Variants in PPP6R2 observed in about 807,000 individuals in gnomAD.
PPP6R2 encodes the protein serine/threonine-protein phosphatase 6 regulatory subunit 2.
PPP6R2 carries 62 observed loss-of-function variants against 100.2 expected under a neutral mutation model. That is an observed-to-expected ratio of 0.62 (90% CI 0.50 to 0.76). The LOEUF (loss-of-function observed/expected upper bound fraction) is 0.76. PPP6R2 is among the 30% of genes least tolerant of loss of function. The probability of loss-of-function intolerance (pLI) is 0.00; values close to 1 mark genes in which losing one functional copy is unlikely to be tolerated. For missense variants in PPP6R2, 1,142 were observed against 1,276.3 expected (o/e 0.89, Z 1.60); for synonymous variants, 525 against 514.7 (o/e 1.02, Z -0.27).
At chr22:50,389,398 GA>G (rs796523223) in intron 2 of PPP6R2, among the ~76,000 whole-genome samples, 20 of 152,250 alleles carry the variant, frequency 1.3e-4, no homozygotes, top group African/African-American at 3.9e-4. Context: ...TAGTTGTGCA[GA>G]TAGGAGAAAA....
At chr22:50,416,689 G>A (rs1428595142) in intron 6 of PPP6R2, among the ~76,000 whole-genome samples, 1 of 151,762 alleles carries the variant, frequency 6.6e-6, no homozygotes, top group South Asian at 2.1e-4. Flanking sequence ...TAGGACAGGC[G>A]CGGTGGCTCA....
chr22:50,389,561 T>G (rs1479028158), intron 2 of PPP6R2, among the ~76,000 whole-genome samples: 11 of 151,736 alleles, frequency 7.2e-5, no homozygotes, highest in Admixed American at 5.3e-4. Context: ...TTTTTGTTTT[T>G]TTTTTTTTTT....
At chr22:50,439,464 G>A (rs1343949169) in intron 19 of PPP6R2, among the ~76,000 whole-genome samples, 10 of 152,270 alleles carry the variant, frequency 6.6e-5, no homozygotes, top group East Asian at 1.9e-4. Flanking sequence ...GGGCCCTCAG[G>A]CACCTGACTG....
At chr22:50,398,622 TCTC>T (rs1185104833) in intron 3 of PPP6R2, among the ~76,000 whole-genome samples, 1 of 151,628 alleles carries the variant, frequency 6.6e-6, no homozygotes, top group Non-Finnish European at 1.5e-5. Flanking sequence ...TTCAAGCAGT[TCTC>T]CTACCTCGGT....
Position 50,419,433 on chromosome 22 carries a change from A to C in PPP6R2, c.816A>C (p.Leu272Phe), listed in dbSNP as rs1316306400. 1.9e-6 allele frequency: 3 copies of C among 1,614,078 alleles called. No individual in the cohort carries two copies. The highest frequency in any genetic ancestry group is 2.5e-6 in the Non-Finnish European group (3 of 1,180,004). Residue 272 changes from leucine to phenylalanine, a missense_variant, in exon 8 of 24, where the codon TTA becomes TTC. Coordinates refer to ENST00000612753, the MANE Select transcript of PPP6R2 (RefSeq NM_001242898.2). ...ESCLVSGTQV[L>F]LTLLETRRVG... Reference sequence around the variant, plus strand: ...GCCTCGTCAGTGGGACTCAGGTGTTACTCACCTTGCTGGAAACCAGGCGGG... The same window carrying C: ...GCCTCGTCAGTGGGACTCAGGTGTTCCTCACCTTGCTGGAAACCAGGCGGG...
At chr22:50,436,594 CT>C in intron 14 of PPP6R2, 142 bp downstream of exon 14, 6 of 797,072 alleles carry the variant, frequency 7.5e-6, no homozygotes, top group Non-Finnish European at 1.2e-5. Context: ...TGCGGTGCCC[CT>C]GCATAGTGTG....
At chr22:50,435,707 T>C (rs1208433175) in intron 13 of PPP6R2, among the ~76,000 whole-genome samples, 1 of 152,132 alleles carries the variant, frequency 6.6e-6, no homozygotes, top group Non-Finnish European at 1.5e-5. Context: ...CATTAGCCCC[T>C]GGCGAGGTCA....
the PPP6R2 span, among the ~76,000 whole-genome samples, chr22:50,335,326 G>A: frequency 6.7e-6 from 1 of 149,658 alleles, no homozygotes; most frequent in South Asian, 2.1e-4. Context: ...GCCTCCCAAA[G>A]TGCTGGGATT....
chr22:50,402,709 C>G (rs1039572325), intron 3 of PPP6R2, among the ~76,000 whole-genome samples: 9 of 152,316 alleles, frequency 5.9e-5, no homozygotes, highest in African/African-American at 1.9e-4. Context: ...GGAATATGAA[C>G]AAGCCTGTGT....
rs547396966 is a variant in PPP6R2, at chr22:50,384,035, C to CAA, written c.-16-9840_-16-9839dup. Among the ~76,000 whole-genome samples, 113 of 75,896 alleles carry CAA rather than the reference C, an allele frequency of 1.5e-3. 1 individual carries two copies. Among genetic ancestry groups the CAA allele is most frequent in the Admixed American group, 2.2e-3 (15 of 6,944 alleles). The allele number at this position is 75,896 out of a possible 152,430, so 49.8% of individuals were successfully genotyped here. ...TGGGCGGCTGAGCGAGACTCCATCT[C>CAA]AAAAAAAAAAAAAAAAAAAGAAGGA... On this transcript the variant is annotated intron_variant, in intron 2 of 23. Coordinates refer to ENST00000612753, the MANE Select transcript of PPP6R2 (RefSeq NM_001242898.2).
chr22:50,369,428 C>G (rs2049497412), intron 1 of PPP6R2, among the ~76,000 whole-genome samples: 1 of 151,968 alleles, frequency 6.6e-6, no homozygotes. Flanking sequence ...CTTTGAGTAT[C>G]TTTTTTGTTT....
chr22:50,423,389 A>G lies in PPP6R2; in HGVS notation c.973-73A>G. 1 of 1,576,124 alleles carries G rather than the reference A, an allele frequency of 6.3e-7. No individual in the cohort carries two copies. Among genetic ancestry groups the G allele is most frequent in the Non-Finnish European group, 8.7e-7 (1 of 1,150,298 alleles). On this transcript the variant is annotated intron_variant, in intron 9 of 23. Coordinates refer to ENST00000612753, the MANE Select transcript of PPP6R2 (RefSeq NM_001242898.2). This position sits in a 1 kb window ranked among gnomAD's most constrained non-coding sequence, Gnocchi z 4.8. ...TGGGTCCCAGCCTAGAGTGATGGGCATGAGCCCAGAGACTCCAGCAGTGGC... is the reference window on the plus strand; with the variant it reads ...TGGGTCCCAGCCTAGAGTGATGGGCGTGAGCCCAGAGACTCCAGCAGTGGC...
In PPP6R2 at chr22:50,416,079, T is replaced by G. The variant is rs1336363543; in HGVS notation, c.553-13T>G. On this transcript the variant is annotated splice_polypyrimidine_tract_variant and intron_variant, in intron 5 of 23. Coordinates refer to ENST00000612753, the MANE Select transcript of PPP6R2 (RefSeq NM_001242898.2). ...TGAGCAGCGACACTGAAAGGCCTCT[T>G]TTTCTCTTTCAGTGGCTGAATGAAG... 2 of 1,610,644 alleles carry G rather than the reference T, an allele frequency of 1.2e-6. No individual in the cohort carries two copies. The highest frequency in any genetic ancestry group is 1.7e-5 in the Admixed American group (1 of 60,014).
chr22:50,440,520 A>C (rs2065334101), intron 21 of PPP6R2, among the ~76,000 whole-genome samples: 1 of 152,168 alleles, frequency 6.6e-6, no homozygotes, highest in Non-Finnish European at 1.5e-5. Context: ...CTTTGGGCTT[A>C]AAGGAGCTGT....
At position 50,384,507 on chromosome 22, in the gene PPP6R2, A is replaced by G. The variant is rs556225152; in HGVS notation, c.-16-9386A>G. On this transcript the variant is annotated intron_variant, in intron 2 of 23. Coordinates refer to ENST00000612753, the MANE Select transcript of PPP6R2 (RefSeq NM_001242898.2). ...GAGGTGGAGGTTGCAGTGAGCCAAG[A>G]TCGCGCCACTGCACTCCAGTCTGGG... is the stretch of plus-strand genomic sequence containing the variant. Among the ~76,000 whole-genome samples the G allele has an allele frequency of 4.6e-5, 7 of 152,314 alleles. No individual in the cohort carries two copies. The South Asian group carries it at 1.4e-3, about 32-fold the overall frequency.
rs1376802347 is a variant in PPP6R2, at chr22:50,405,848, GGAGGTGAGAGGCCTGGAGA to G, written c.228-805_228-787del. 1.6e-3 allele frequency among the ~76,000 whole-genome samples: 97 copies of G among 59,764 alleles called. 1 individual carries two copies. Among genetic ancestry groups the G allele is most frequent in the Non-Finnish European group, 2.8e-3 (86 of 30,176 alleles). 39.2% of individuals were successfully genotyped at this position (59,764 alleles called of 152,430 possible). On this transcript the variant is annotated intron_variant, in intron 3 of 23. Coordinates refer to ENST00000612753, the MANE Select transcript of PPP6R2 (RefSeq NM_001242898.2). Reference sequence around the variant, plus strand: ...GGCAGGTGAGTGTGAAGGCCTGGAGGGAGGTGAGAGGCCTGGAGAGAGGTGAGAGGCCTGGAGAGAGGTG... The same window carrying G: ...GGCAGGTGAGTGTGAAGGCCTGGAGGGAGGTGAGAGGCCTGGAGAGAGGTG...
At chr22:50,438,453 C>T (rs546736270) in intron 18 of PPP6R2, 146 bp from the exon 19 acceptor site, 3 of 1,435,828 alleles carry the variant, frequency 2.1e-6, no homozygotes, top group African/African-American at 2.8e-5. Context: ...CCCTAAGGAG[C>T]CCAGAGCTGA....
At position 50,423,057 on chromosome 22, in the gene PPP6R2, A is replaced by G. The variant is rs2061547231; in HGVS notation, c.973-405A>G. 6.6e-6 allele frequency among the ~76,000 whole-genome samples: 1 copy of G among 152,090 alleles called. No homozygotes were observed. On this transcript the variant is annotated intron_variant, in intron 9 of 23. Coordinates refer to ENST00000612753, the MANE Select transcript of PPP6R2 (RefSeq NM_001242898.2). The surrounding 1 kb of genome is among the most constrained non-coding windows in gnomAD (Gnocchi z 4.8). ...TGTCCCCAAAGTGTGTTCATGGGAC[A>G]CTTGTTAGCTTGGTGTTCTGAGATT...
At chr22:50,387,105 G>T (rs1044374031) in intron 2 of PPP6R2, among the ~76,000 whole-genome samples, 1 of 152,116 alleles carries the variant, frequency 6.6e-6, no homozygotes, top group African/African-American at 2.4e-5. Flanking sequence ...CTATCACCGA[G>T]GCTGGAGTGA....
Sources: gnomAD v4.1 joint callset for allele counts (sites outside exome capture counted in the v4.1 genomes callset) on GRCh38, gnomAD v4.1.1 for gene constraint, Gnocchi (gnomAD v3.1) non-coding constraint, MANE v1.5 for transcripts, NCBI Gene and HGNC (gene_info 2026-07-23, HGNC 2026-07-21) for gene names.